TCF25: variants seen among roughly 807,000 people sequenced by gnomAD.
TCF25 encodes ribosome quality control complex subunit TCF25.
TCF25 carries 41 observed loss-of-function variants against 83.1 expected under a neutral mutation model. The observed-to-expected ratio is 0.49, with a 90% CI of 0.38 to 0.64. TCF25 has a LOEUF of 0.64. TCF25 is among the 30% of genes least tolerant of loss of function. The pLI is 0.00. For missense variants in TCF25, 979 were observed against 914.5 expected (o/e 1.07, Z -0.91); for synonymous variants, 458 against 365.0 (o/e 1.25, Z -2.90).
At chr16:89,905,378 C>T (rs2044690800) in intron 14 of TCF25, among the ~76,000 whole-genome samples, 1 of 152,166 alleles carries the variant, frequency 6.6e-6, no homozygotes, top group African/African-American at 2.4e-5. Context: ...TCCACATGAG[C>T]TGTGAGATGA....
At position 89,884,124 on chromosome 16, in the gene TCF25, A is replaced by T. The variant is rs1289050874; in HGVS notation, c.355-458A>T. Reference sequence around the variant, plus strand: ...GGGAGGGCAACATACATGTGAAGTGACAGGTGGGTCCTGACTTGAGGCTCA... The same window carrying T: ...GGGAGGGCAACATACATGTGAAGTGTCAGGTGGGTCCTGACTTGAGGCTCA... On this transcript the variant is annotated intron_variant, in intron 2 of 17. Transcript: ENST00000263346. The T allele has an allele frequency of 1.7e-5, 3 of 173,656 alleles. No homozygotes were observed. In the East Asian group the frequency reaches 4.8e-4, roughly 28 times the overall value. The allele number at this position is 173,656 out of a possible 1,614,324, so 10.8% of individuals were successfully genotyped here.
chr16:89,893,761 G>C lies in TCF25; in HGVS notation c.731G>C (p.Gly244Ala), dbSNP rs534153474. 26 of 1,614,012 alleles carry C rather than the reference G, an allele frequency of 1.6e-5. No homozygotes were observed. Among genetic ancestry groups the C allele is most frequent in the African/African-American group, 2.7e-5 (2 of 75,064 alleles). ...ATGCGGCTGCTGGAATCAAAAAAAG[G>C]CCTCTCCTTCTTTGCGTTTGAGCAC... is the stretch of plus-strand genomic sequence containing the variant. The part of the protein sequence containing the change: ...LSMRLLESKK[G>A]LSFFAFEHSE... Residue 244 changes from glycine to alanine, a missense_variant, in exon 7 of 18, where the codon GGC (glycine) becomes GCC (alanine). Coordinates refer to ENST00000263346, the MANE Select transcript of TCF25 (RefSeq NM_014972.3).
Position 89,895,277 on chromosome 16 carries a change from ACTTAC to A in TCF25, c.928+142_928+146del, listed in dbSNP as rs1262917742. 4.0e-6 allele frequency: 3 copies of A among 753,392 alleles called. No homozygotes were observed. In the African/African-American group the frequency reaches 5.3e-5, roughly 13 times the overall value. 46.7% of individuals were successfully genotyped at this position (753,392 alleles called of 1,614,324 possible). On this transcript the variant is annotated intron_variant, in intron 8 of 17. Transcript: ENST00000263346. ...TGAGATACAACCTACGTAGCACAAA[ACTTAC>A]CCATTTAAAGTTTTTGTTTGTTGGT...
intron 16 of TCF25, among the ~76,000 whole-genome samples, chr16:89,908,363 TCCAGCTC>T (rs1390330621): frequency 2.3e-4 from 14 of 60,028 alleles, no homozygotes; most frequent in Admixed American, 1.4e-3. Context: ...GCTCCCATCT[TCCAGCTC>T]CCAGCTCCCA....
At chr16:89,902,784 C>T (rs1008442441) in intron 12 of TCF25, among the ~76,000 whole-genome samples, 14 of 151,986 alleles carry the variant, frequency 9.2e-5, no homozygotes, top group African/African-American at 2.7e-4. Context: ...CTCCGAGGGG[C>T]GGTGAGGGGT....
intron 16 of TCF25, chr16:89,910,193 G>A: frequency 4.5e-6 from 1 of 222,122 alleles, no homozygotes; most frequent in Non-Finnish European, 9.1e-6. Context: ...CGCACCGTGA[G>A]GGTCTCCGCT....
At chr16:89,900,861 T>G in intron 12 of TCF25, 67 bp downstream of exon 12, 1 of 1,433,866 alleles carries the variant, frequency 7.0e-7, no homozygotes, top group Non-Finnish European at 9.3e-7. Context: ...CTGCTCTTCC[T>G]GGTGGTGGAG....
intron 5 of TCF25, among the ~76,000 whole-genome samples, chr16:89,891,141 G>T (rs2043396543): frequency 6.6e-6 from 1 of 152,204 alleles, no homozygotes. Context: ...AGCTCCTCCA[G>T]GCTCCTGTCC....
At position 89,901,033 on chromosome 16, in the gene TCF25, C is replaced by CTG. The variant is rs540623350; in HGVS notation, c.1381+243_1381+244dup. The CTG allele has an allele frequency of 7.7e-4, 339 of 438,294 alleles. 5 individuals are homozygous for CTG. The East Asian group carries it at 0.011, about 14-fold the overall frequency. 27.2% of individuals were successfully genotyped at this position (438,294 alleles called of 1,614,324 possible). On this transcript the variant is annotated intron_variant, in intron 12 of 17. Transcript: ENST00000263346. The stretch of plus-strand genomic sequence containing the variant: ...GCAGGCATCCCGACCCCCGTGGGGC[C>CTG]TGTGTTCTAGAGTGCAGAGACAGAA...
intron 7 of TCF25, among the ~76,000 whole-genome samples, chr16:89,894,116 C>T (rs958669685): frequency 1.3e-5 from 2 of 152,170 alleles, no homozygotes; most frequent in African/African-American, 4.8e-5. Context: ...GGGACCGTCG[C>T]AGTAGTGCCG....
chr16:89,906,363 G>C, intron 15 of TCF25, 79 bp downstream of exon 15: 1 of 1,413,530 alleles, frequency 7.1e-7, no homozygotes, highest in South Asian at 1.2e-5. Flanking sequence ...CGGTCCACAT[G>C]CAGGCGTGCG....
At position 89,904,196 on chromosome 16, in the gene TCF25, C is replaced by T; in HGVS notation, c.1460C>T (p.Ala487Val). 6.3e-7 allele frequency: 1 copy of T among 1,577,408 alleles called. No homozygotes were observed. The highest frequency in any genetic ancestry group is 2.3e-5 in the East Asian group (1 of 42,736). ...AGTCACCGCTTCTTTGGACCCAATG[C>T]TGAAATAAGGTAAAGAGTGGCTGGT... is the stretch of plus-strand genomic sequence containing the variant. ...VSSHRFFGPN[A>V]EISQPPALSQ... The change falls in exon 13 of 18, where the codon GCT (alanine) becomes GTT (valine). Residue 487 changes from alanine (A) to valine (V), a missense_variant. Coordinates refer to ENST00000263346, the MANE Select transcript of TCF25 (RefSeq NM_014972.3).
At chr16:89,888,682 T>TC (rs974636959) in intron 5 of TCF25, among the ~76,000 whole-genome samples, 1 of 149,326 alleles carries the variant, frequency 6.7e-6, no homozygotes, top group African/African-American at 2.4e-5. Context: ...TTTCTTTCTT[T>TC]TTTTTTTTTT....
intron 5 of TCF25, among the ~76,000 whole-genome samples, 153 bp from the exon 6 acceptor site, chr16:89,892,040 T>C (rs1488262581): frequency 4.6e-5 from 7 of 152,148 alleles, no homozygotes; most frequent in Non-Finnish European, 1.0e-4. Flanking sequence ...GACGCTTGTT[T>C]GCATCCTGTC....
intron 12 of TCF25, among the ~76,000 whole-genome samples, chr16:89,902,226 G>GA (rs1238950235): frequency 1.2e-4 from 1 of 8,600 alleles, no homozygotes; most frequent in Admixed American, 1.1e-3. Flanking sequence ...CAAAAAAAAA[G>GA]AAAAAAAAAA....
intron 3 of TCF25, among the ~76,000 whole-genome samples, chr16:89,885,251 A>G (rs952694248): frequency 2.0e-5 from 3 of 152,228 alleles, no homozygotes; most frequent in African/African-American, 7.2e-5. Context: ...GTTACTTTCT[A>G]AATGCTGCTT....
chr16:89,900,043 C>T (rs2044189751), intron 11 of TCF25, among the ~76,000 whole-genome samples: 1 of 152,200 alleles, frequency 6.6e-6, no homozygotes, highest in East Asian at 1.9e-4. Context: ...GCAGGGAAAC[C>T]TCAGGGAGTC....
chr16:89,890,717 T>G (rs536012018), intron 5 of TCF25: 2 of 152,286 alleles, frequency 1.3e-5, no homozygotes, highest in East Asian at 3.9e-4. Flanking sequence ...CTTGGTCATT[T>G]CTTTATATTT....
intron 1 of TCF25, among the ~76,000 whole-genome samples, chr16:89,878,931 G>A (rs1409706493): frequency 1.3e-5 from 2 of 152,196 alleles, no homozygotes; most frequent in African/African-American, 4.8e-5. Context: ...GTGAGCCACC[G>A]CGCCCAGCCA....
Sources: allele counts gnomAD v4.1 joint callset (sites outside exome capture counted in the v4.1 genomes callset), GRCh38; gene constraint gnomAD v4.1.1; transcripts MANE v1.5; gene names NCBI Gene and HGNC (gene_info 2026-07-23, HGNC 2026-07-21).